NPAS3: variants seen among roughly 807,000 people sequenced by gnomAD.
The protein encoded by NPAS3 is neuronal PAS domain protein 3.
NPAS3 carries 14 observed loss-of-function variants against 73.1 expected under a neutral mutation model. The ratio of observed to expected loss-of-function variants is 0.19; its 90% confidence interval spans 0.13 to 0.30. NPAS3 has a LOEUF of 0.30. Ranked by LOEUF, NPAS3 falls within the 10% of genes least tolerant of loss-of-function variation. The pLI, the probability that NPAS3 is intolerant of heterozygous loss-of-function variation, is 1.00. For missense variants in NPAS3, 1,096 were observed against 1,250.0 expected (o/e 0.88, Z 1.86); for synonymous variants, 620 against 541.5 (o/e 1.14, Z -2.01).
intron 4 of NPAS3, among the ~76,000 whole-genome samples, chr14:33,482,588 CAG>C: frequency 6.6e-6 from 1 of 152,250 alleles, no homozygotes; most frequent in South Asian, 2.1e-4. Flanking sequence ...CCCGAATTTT[CAG>C]AGAGTTGAGG....
chr14:33,168,022 T>G (rs939602467), intron 2 of NPAS3, among the ~76,000 whole-genome samples: 1 of 152,196 alleles, frequency 6.6e-6, no homozygotes, highest in African/African-American at 2.4e-5. Context: ...TCCCTAGTTT[T>G]TGTGGCTTGT....
chr14:33,623,535 C>G (rs889258612), intron 5 of NPAS3, among the ~76,000 whole-genome samples: 3 of 152,214 alleles, frequency 2.0e-5, no homozygotes, highest in Non-Finnish European at 2.9e-5. Flanking sequence ...CTGCAGCCAC[C>G]TAATGGGTGC....
At chr14:33,668,523 A>G (rs1259419378) in intron 5 of NPAS3, among the ~76,000 whole-genome samples, 1 of 152,198 alleles carries the variant, frequency 6.6e-6, no homozygotes, top group Non-Finnish European at 1.5e-5. Context: ...TTTCTTTAAA[A>G]TATAAGAGCT....
chr14:32,960,057 C>G (rs1566800789), intron 1 of NPAS3, among the ~76,000 whole-genome samples: 1 of 150,068 alleles, frequency 6.7e-6, no homozygotes. Context: ...CTGTCCTTCC[C>G]AGTATGTATT....
chr14:33,137,014 T>C (rs1463805640), intron 2 of NPAS3, among the ~76,000 whole-genome samples: 1 of 152,230 alleles, frequency 6.6e-6, no homozygotes, highest in East Asian at 1.9e-4. Context: ...TCTTGGCTTT[T>C]TCTGTTCTGT....
At chr14:33,028,390 T>C (rs2039878100) in intron 1 of NPAS3, among the ~76,000 whole-genome samples, 1 of 152,182 alleles carries the variant, frequency 6.6e-6, no homozygotes, top group African/African-American at 2.4e-5. Flanking sequence ...ATAATTCTGC[T>C]TTACAAGGGA....
chr14:33,068,748 C>G (rs2041369054), intron 2 of NPAS3, among the ~76,000 whole-genome samples: 1 of 152,136 alleles, frequency 6.6e-6, no homozygotes, highest in South Asian at 2.1e-4. Flanking sequence ...TGAGCAATGA[C>G]TGTAAGGAAG....
chr14:33,275,010 G>A (rs2041263261), intron 3 of NPAS3, among the ~76,000 whole-genome samples: 1 of 152,210 alleles, frequency 6.6e-6, no homozygotes, highest in Admixed American at 6.5e-5. Flanking sequence ...TGAGTTTGCT[G>A]CTTTTCTCTT....
chr14:33,113,152 T>G (rs2042951724), intron 2 of NPAS3, among the ~76,000 whole-genome samples: 1 of 152,204 alleles, frequency 6.6e-6, no homozygotes, highest in African/African-American at 2.4e-5. Flanking sequence ...CAATGCAGGC[T>G]CTTTTTTGGT....
At chr14:33,675,608 T>C (rs1468661160) in intron 5 of NPAS3, among the ~76,000 whole-genome samples, 2 of 152,222 alleles carry the variant, frequency 1.3e-5, no homozygotes, top group Admixed American at 1.3e-4. Flanking sequence ...ACCTCTTTTG[T>C]ATGGAAAATC....
intron 7 of NPAS3, among the ~76,000 whole-genome samples, chr14:33,752,205 G>C (rs1211213698): frequency 6.6e-6 from 1 of 152,160 alleles, no homozygotes; most frequent in African/African-American, 2.4e-5. Context: ...TTGTATTGCA[G>C]ATCATAAGCT....
chr14:33,724,751 A>C (rs1424196863), intron 6 of NPAS3, among the ~76,000 whole-genome samples: 1 of 149,774 alleles, frequency 6.7e-6, no homozygotes, highest in Non-Finnish European at 1.5e-5. Flanking sequence ...TTTTCTCTCA[A>C]AAAAAAAAAA....
At chr14:33,274,576 T>G (rs2041243390) in intron 3 of NPAS3, among the ~76,000 whole-genome samples, 1 of 152,168 alleles carries the variant, frequency 6.6e-6, no homozygotes, top group Non-Finnish European at 1.5e-5. Flanking sequence ...ATATGCATTA[T>G]TCTTCTCACT....
intron 3 of NPAS3, among the ~76,000 whole-genome samples, chr14:33,248,131 C>T (rs2048454782): frequency 1.3e-5 from 2 of 152,188 alleles, no homozygotes; most frequent in African/African-American, 4.8e-5. Flanking sequence ...GATACAACTG[C>T]TTACCTTTTC....
intron 3 of NPAS3, among the ~76,000 whole-genome samples, chr14:33,328,381 T>C (rs2043805072): frequency 6.7e-6 from 1 of 150,028 alleles, no homozygotes. Context: ...ATAATTTTAT[T>C]TGTTTTTCCT....
intron 4 of NPAS3, among the ~76,000 whole-genome samples, chr14:33,482,772 C>T: frequency 6.6e-6 from 1 of 152,092 alleles, no homozygotes; most frequent in East Asian, 1.9e-4. Flanking sequence ...CTGCTTGTCA[C>T]TCATGATCTC....
chr14:33,373,719 T>A (rs1252547457), intron 4 of NPAS3, among the ~76,000 whole-genome samples: 1 of 152,146 alleles, frequency 6.6e-6, no homozygotes, highest in Non-Finnish European at 1.5e-5. Context: ...CCCTCTTGTA[T>A]CTATGTCATT....
chr14:33,287,461 C>T (rs887347108), intron 3 of NPAS3, among the ~76,000 whole-genome samples: 4 of 152,074 alleles, frequency 2.6e-5, no homozygotes, highest in Non-Finnish European at 4.4e-5. Flanking sequence ...AGAGACTAAC[C>T]GACAGGGCAC....
chr14:33,396,215 G>T (rs1245919164), intron 4 of NPAS3, among the ~76,000 whole-genome samples: 1 of 152,148 alleles, frequency 6.6e-6, no homozygotes, highest in African/African-American at 2.4e-5. Flanking sequence ...CAGCTCATTT[G>T]AGTTGTAAAC....
Sources: allele counts gnomAD v4.1 joint callset (sites outside exome capture counted in the v4.1 genomes callset), GRCh38; gene constraint gnomAD v4.1.1; transcripts MANE v1.5; gene names NCBI Gene and HGNC (gene_info 2026-07-23, HGNC 2026-07-21).